BANK1: variants seen among roughly 807,000 people sequenced by gnomAD.
BANK1 encodes B cell scaffold protein with ankyrin repeats 1.
A neutral mutation model predicts 94.5 loss-of-function variants in BANK1; 95 were observed. The ratio of observed to expected loss-of-function variants is 1.00; its 90% CI spans 0.85 to 1.19. BANK1 has a LOEUF of 1.19. Ranked by LOEUF, BANK1 falls within the 50% of genes most tolerant of loss-of-function variation. The pLI, the probability that BANK1 is intolerant of heterozygous loss-of-function variation, is 0.00. For missense variants in BANK1, 987 were observed against 932.2 expected, an observed-to-expected ratio of 1.06 and a Z score of -0.77; for synonymous variants, 334 against 308.4, an observed-to-expected ratio of 1.08 and a Z score of -0.87.
intron 6 of BANK1, among the ~76,000 whole-genome samples, chr4:101,898,562 C>A (rs1722168666): frequency 1.3e-5 from 2 of 151,932 alleles, no homozygotes; most frequent in South Asian, 4.2e-4. Context: ...AGAACATAAT[C>A]ATAAGGAATT....
intron 10 of BANK1, among the ~76,000 whole-genome samples, chr4:102,038,776 G>A (rs1727605164): frequency 6.6e-6 from 1 of 152,142 alleles, no homozygotes. Flanking sequence ...AACAATTTGT[G>A]TTCTACTCTG....
intron 10 of BANK1, among the ~76,000 whole-genome samples, chr4:102,037,929 T>C (rs1004893765): frequency 6.6e-6 from 1 of 152,204 alleles, no homozygotes; most frequent in Non-Finnish European, 1.5e-5. Flanking sequence ...TGCATGGGTT[T>C]CATATGCCAA....
chr4:102,027,238 T>C (rs1343265739), intron 9 of BANK1, among the ~76,000 whole-genome samples: 1 of 152,114 alleles, frequency 6.6e-6, no homozygotes, highest in African/African-American at 2.4e-5. Context: ...TTAAAAGTGC[T>C]AATATTAAAT....
At chr4:101,880,748 G>A (rs1728647102) in intron 5 of BANK1, among the ~76,000 whole-genome samples, 1 of 152,056 alleles carries the variant, frequency 6.6e-6, no homozygotes, top group Non-Finnish European at 1.5e-5. Flanking sequence ...CAACAGAATA[G>A]AGAACTCATA....
At chr4:101,918,458 G>A (rs1006777829) in intron 7 of BANK1, among the ~76,000 whole-genome samples, 1 of 151,852 alleles carries the variant, frequency 6.6e-6, no homozygotes, top group Admixed American at 6.6e-5. Context: ...TTAAGTCCCA[G>A]TTCTGTCTTA....
chr4:101,963,780 C>T (rs939378688), intron 7 of BANK1, among the ~76,000 whole-genome samples: 23 of 152,080 alleles, frequency 1.5e-4, no homozygotes, highest in African/African-American at 5.3e-4. Flanking sequence ...GGCCTTTTCT[C>T]GCACCTGGTA....
At chr4:102,018,710 G>A (rs1726795143) in intron 7 of BANK1, among the ~76,000 whole-genome samples, 1 of 152,076 alleles carries the variant, frequency 6.6e-6, no homozygotes, top group South Asian at 2.1e-4. Context: ...ATTTAGAGAA[G>A]TGAGAATCAA....
intron 2 of BANK1, among the ~76,000 whole-genome samples, chr4:101,852,470 CTATATATA>C (rs541955636): frequency 7.9e-4 from 82 of 103,766 alleles, no homozygotes; most frequent in South Asian, 1.4e-3. Context: ...TATTTTTCGG[CTATATATA>C]TATATATATA....
At chr4:101,813,984 C>A in intron 1 of BANK1, 2 of 695,958 alleles carry the variant, frequency 2.9e-6, no homozygotes, top group Non-Finnish European at 3.5e-6. Flanking sequence ...AGATATTTTA[C>A]CATTGATACG....
At chr4:102,017,165 T>C (rs1291270746) in intron 7 of BANK1, among the ~76,000 whole-genome samples, 1 of 152,234 alleles carries the variant, frequency 6.6e-6, no homozygotes, top group African/African-American at 2.4e-5. Context: ...TGGGGTTCCA[T>C]CATTTTAAAC....
At chr4:102,018,444 G>A (rs1726786344) in intron 7 of BANK1, among the ~76,000 whole-genome samples, 1 of 152,170 alleles carries the variant, frequency 6.6e-6, no homozygotes, top group Non-Finnish European at 1.5e-5. Flanking sequence ...GAAACCAACT[G>A]CCATGTGAAG....
intron 6 of BANK1, among the ~76,000 whole-genome samples, chr4:101,913,400 A>T (rs1225448933): frequency 6.6e-6 from 1 of 152,200 alleles, no homozygotes; most frequent in Admixed American, 6.5e-5. Context: ...AAACGTATTT[A>T]AATATTGTGA....
intron 1 of BANK1, among the ~76,000 whole-genome samples, chr4:101,803,726 G>T (rs944295737): frequency 6.6e-6 from 1 of 151,860 alleles, no homozygotes; most frequent in Non-Finnish European, 1.5e-5. Context: ...GGCCGGGCGC[G>T]GTGGCTCACG....
At chr4:102,067,481 AG>A (rs1728631531) in intron 13 of BANK1, among the ~76,000 whole-genome samples, 1 of 152,102 alleles carries the variant, frequency 6.6e-6, no homozygotes, top group Admixed American at 6.5e-5. Flanking sequence ...CTATGACAAT[AG>A]TAAACATAAG....
At chr4:101,823,891 T>C (rs1726267188) in intron 1 of BANK1, among the ~76,000 whole-genome samples, 1 of 152,194 alleles carries the variant, frequency 6.6e-6, no homozygotes, top group African/African-American at 2.4e-5. Context: ...AAATAATGTA[T>C]ATGCATAGAA....
chr4:101,846,291 T>A (rs781725637), intron 2 of BANK1, among the ~76,000 whole-genome samples: 8 of 152,222 alleles, frequency 5.3e-5, no homozygotes, highest in Non-Finnish European at 1.0e-4. Context: ...TGGATGAAGC[T>A]GGAAACCATC....
chr4:101,921,205 C>T (rs1358272654), intron 7 of BANK1, among the ~76,000 whole-genome samples: 2 of 151,850 alleles, frequency 1.3e-5, no homozygotes, highest in Non-Finnish European at 1.5e-5. Flanking sequence ...TTTCTATAAT[C>T]CATAAAGTAT....
chr4:101,909,749 A>T (rs972893989), intron 6 of BANK1, among the ~76,000 whole-genome samples: 4 of 152,206 alleles, frequency 2.6e-5, no homozygotes, highest in African/African-American at 9.6e-5. Context: ...CCAACAACAT[A>T]TATAAAAATA....
intron 7 of BANK1, among the ~76,000 whole-genome samples, chr4:101,968,191 T>C (rs1480231609): frequency 6.6e-6 from 1 of 152,038 alleles, no homozygotes; most frequent in Non-Finnish European, 1.5e-5. Flanking sequence ...AAAGATTTAT[T>C]TACTGTAATT....
Sources: allele counts gnomAD v4.1 joint callset (sites outside exome capture counted in the v4.1 genomes callset), GRCh38; gene constraint gnomAD v4.1.1; transcripts MANE v1.5; gene names NCBI Gene and HGNC (gene_info 2026-07-23, HGNC 2026-07-21).